The following WNT2 variants were observed in gnomAD, a reference collection of about 807,000 sequenced individuals.
The protein encoded by WNT2 is protein Wnt-2.
In WNT2, 12 loss-of-function variants were observed where a neutral mutation model predicts 36.9. The observed-to-expected ratio is 0.33, with a 90% CI of 0.21 to 0.53. The LOEUF is 0.53. WNT2 is among the 20% of genes least tolerant of loss of function. WNT2 has a pLI of 0.95. For synonymous variants in WNT2, 163 were observed against 174.6 expected (o/e 0.93, Z 0.52); for missense variants, 379 against 473.1 (o/e 0.80, Z 1.84).
chr7:117,292,056 C>G (rs747658215), intron 4 of WNT2, among the ~76,000 whole-genome samples: 11 of 152,198 alleles, frequency 7.2e-5, no homozygotes, highest in Non-Finnish European at 1.6e-4. Flanking sequence ...GGATTACAGG[C>G]ATGAGCCACT....
intron 3 of WNT2, among the ~76,000 whole-genome samples, chr7:117,303,850 G>T (rs963344710): frequency 1.2e-4 from 18 of 152,114 alleles, no homozygotes; most frequent in African/African-American, 4.3e-4. Flanking sequence ...TTTGCTACCA[G>T]TTGCATTGGC....
chr7:117,285,926 C>G (rs960543560), intron 4 of WNT2, among the ~76,000 whole-genome samples: 1 of 152,132 alleles, frequency 6.6e-6, no homozygotes, highest in Non-Finnish European at 1.5e-5. Context: ...GTTGCAGACT[C>G]GAAACTTCTT....
intron 3 of WNT2, among the ~76,000 whole-genome samples, chr7:117,312,721 T>C (rs1034027486): frequency 2.6e-5 from 4 of 152,174 alleles, no homozygotes; most frequent in Non-Finnish European, 4.4e-5. Flanking sequence ...TGAATTCTGC[T>C]GAAACTATGA....
chr7:117,307,509 G>C (rs1163093433), intron 3 of WNT2, among the ~76,000 whole-genome samples: 2 of 152,102 alleles, frequency 1.3e-5, no homozygotes, highest in African/African-American at 4.8e-5. Context: ...CCAGTCTCTG[G>C]GGCTCATGTT....
chr7:117,322,207 A>G lies in WNT2; in HGVS notation c.83+700T>C, dbSNP rs923434164. The G allele has an allele frequency of 1.3e-5, 2 of 152,188 alleles. No homozygotes were observed. Among genetic ancestry groups the G allele is most frequent in the Non-Finnish European group, 2.9e-5 (2 of 68,070 alleles). 9.4% of individuals were successfully genotyped at this position (152,188 alleles called of 1,614,324 possible). A position where few individuals can be genotyped will look rare whatever the true frequency, so the allele number is the denominator to read the frequency against. ...CAACATTCCATCACTATGCAAAAATAAATAAATAAATTGCAGACCAACGTA... is the reference window on the plus strand; with the variant it reads ...CAACATTCCATCACTATGCAAAAATGAATAAATAAATTGCAGACCAACGTA... On this transcript the variant is annotated intron_variant, in intron 1 of 4. Coordinates refer to ENST00000265441, the MANE Select transcript of WNT2 (RefSeq NM_003391.3). The surrounding 1 kb of genome is among the most constrained non-coding windows in gnomAD (Gnocchi z 5.4).
chr7:117,305,407 A>G (rs1794995776), intron 3 of WNT2, among the ~76,000 whole-genome samples: 1 of 152,126 alleles, frequency 6.6e-6, no homozygotes, highest in South Asian at 2.1e-4. Context: ...TGTTTCTGTG[A>G]GGAAACTGAT....
chr7:117,300,614 T>A (rs112496788), intron 3 of WNT2, among the ~76,000 whole-genome samples: 35,512 of 152,020 alleles, frequency 0.23, 5,091 homozygotes, highest in East Asian at 0.43. Flanking sequence ...AGCCTGGGCA[T>A]CACAGTGAGA....
At chr7:117,289,915 A>G (rs1205232816) in intron 4 of WNT2, among the ~76,000 whole-genome samples, 3 of 152,158 alleles carry the variant, frequency 2.0e-5, no homozygotes, top group Admixed American at 6.5e-5. Context: ...ACCCGGGATG[A>G]TGGAGGTGAC....
chr7:117,309,745 T>G (rs1466172152), intron 3 of WNT2, among the ~76,000 whole-genome samples: 1 of 152,184 alleles, frequency 6.6e-6, no homozygotes, highest in Non-Finnish European at 1.5e-5. Context: ...AGTCAAGAAC[T>G]CCTAAACTAA....
intron 1 of WNT2, among the ~76,000 whole-genome samples, chr7:117,321,158 C>A (rs1457167465): frequency 1.3e-5 from 2 of 152,148 alleles, no homozygotes; most frequent in African/African-American, 2.4e-5. Flanking sequence ...AGACTGTTCT[C>A]AAGAAGGCTC....
At chr7:117,321,497 A>T (rs1319433972) in intron 1 of WNT2, among the ~76,000 whole-genome samples, 1 of 152,252 alleles carries the variant, frequency 6.6e-6, no homozygotes, top group East Asian at 1.9e-4. Context: ...AAGAAACTTT[A>T]ACAAAAAATT....
Position 117,275,827 on chromosome 7 carries a change from T to G in WNT2, c.*2328A>C, listed in dbSNP as rs548385455. On this transcript the variant is annotated 3_prime_UTR_variant, in exon 5 of 5. Coordinates refer to ENST00000265441, the MANE Select transcript of WNT2 (RefSeq NM_003391.3). Reference sequence around the variant, plus strand: ...CTCAGTGGCAGGACCCACTGCCACTTGCGATGGTTGCCATAATCTCCCTTA... The same window carrying G: ...CTCAGTGGCAGGACCCACTGCCACTGGCGATGGTTGCCATAATCTCCCTTA... Among the ~76,000 whole-genome samples the G allele has an allele frequency of 3.3e-5, 5 of 152,348 alleles. No individual in the cohort carries two copies. The highest frequency in any genetic ancestry group is 1.3e-4 in the Admixed American group (2 of 15,308).
At chr7:117,289,778 C>T (rs1794653748) in intron 4 of WNT2, among the ~76,000 whole-genome samples, 1 of 152,164 alleles carries the variant, frequency 6.6e-6, no homozygotes, top group South Asian at 2.1e-4. Context: ...CATGTTTATA[C>T]AAATTCGCTA....
At chr7:117,279,064 C>G (rs1794434524) in intron 4 of WNT2, among the ~76,000 whole-genome samples, 1 of 152,168 alleles carries the variant, frequency 6.6e-6, no homozygotes, top group African/African-American at 2.4e-5. Context: ...GGATTCAAGG[C>G]CTTCAATAAA....
intron 4 of WNT2, among the ~76,000 whole-genome samples, chr7:117,295,022 C>T (rs760620942): frequency 2.6e-5 from 4 of 152,098 alleles, no homozygotes; most frequent in Non-Finnish European, 4.4e-5. Context: ...GCCCAGGAGG[C>T]GGAGGTTGCA....
At chr7:117,282,901 G>A (rs569128938) in intron 4 of WNT2, among the ~76,000 whole-genome samples, 16 of 152,200 alleles carry the variant, frequency 1.1e-4, no homozygotes, top group Admixed American at 4.6e-4. Context: ...GAACTGGAGC[G>A]GTTACTAGAG....
intron 4 of WNT2, among the ~76,000 whole-genome samples, chr7:117,279,003 G>C (rs562262465): frequency 1.3e-5 from 2 of 152,328 alleles, no homozygotes; most frequent in East Asian, 3.9e-4. Flanking sequence ...TGTCTCTCCT[G>C]CTGCAGTCTA....
At chr7:117,315,370 T>A in intron 2 of WNT2, 22 bp from the exon 3 acceptor site, 1 of 1,605,106 alleles carries the variant, frequency 6.2e-7, no homozygotes, top group African/African-American at 1.3e-5. Context: ...ATGCTTTTCT[T>A]AAAAGTGGTC....
intron 4 of WNT2, among the ~76,000 whole-genome samples, chr7:117,282,937 C>A (rs1169675177): frequency 6.6e-6 from 1 of 152,128 alleles, no homozygotes; most frequent in African/African-American, 2.4e-5. Context: ...GAGGCAGGAC[C>A]TGTGGGACAT....
Sources: allele counts gnomAD v4.1 joint callset (sites outside exome capture counted in the v4.1 genomes callset), GRCh38; gene constraint gnomAD v4.1.1; non-coding constraint Gnocchi (gnomAD v3.1); transcripts MANE v1.5; gene names NCBI Gene and HGNC (gene_info 2026-07-23, HGNC 2026-07-21).